EDN1: variants seen among roughly 807,000 people sequenced by gnomAD.
EDN1 encodes endothelin-1.
EDN1 carries 11 observed loss-of-function variants against 21.7 expected under a neutral mutation model. The ratio of observed to expected loss-of-function variants is 0.51; its 90% confidence interval spans 0.32 to 0.84. EDN1 has a LOEUF of 0.84. Ranked by LOEUF, EDN1 falls within the 40% of genes least tolerant of loss-of-function variation. The probability of loss-of-function intolerance (pLI) is 0.03; values close to 1 mark genes in which losing one functional copy is unlikely to be tolerated. For synonymous variants in EDN1, 85 were observed against 90.6 expected, an observed-to-expected ratio of 0.94 and a Z score of 0.35; for missense variants, 244 against 262.3, an observed-to-expected ratio of 0.93 and a Z score of 0.48.
chr6:12,294,555 G>C, intron 4 of EDN1, 151 bp downstream of exon 4: 1 of 864,140 alleles, frequency 1.2e-6, no homozygotes, highest in South Asian at 1.5e-5. Flanking sequence ...GCATCCTATA[G>C]ATTAAAAGGA....
chr6:12,231,807 G>C, the EDN1 span, among the ~76,000 whole-genome samples: 1 of 151,606 alleles, frequency 6.6e-6, no homozygotes, highest in African/African-American at 2.4e-5. Flanking sequence ...TTTATAATAA[G>C]CTTCCATCTC....
the EDN1 span, among the ~76,000 whole-genome samples, chr6:12,264,439 G>T: frequency 6.6e-6 from 1 of 152,122 alleles, no homozygotes; most frequent in East Asian, 1.9e-4. Flanking sequence ...AGATATATAA[G>T]AGAATATTAT....
chr6:12,285,298 G>A, the EDN1 span, among the ~76,000 whole-genome samples: 1 of 152,136 alleles, frequency 6.6e-6, no homozygotes, highest in Non-Finnish European at 1.5e-5. Flanking sequence ...CCAAGGGGAG[G>A]TATCCGTTAA....
intron 1 of EDN1, 26 bp from the exon 2 acceptor site, chr6:12,292,315 C>T (rs1432169102): frequency 1.9e-6 from 3 of 1,612,844 alleles, no homozygotes; most frequent in Non-Finnish European, 1.7e-6. Flanking sequence ...AGACATCCCC[C>T]ACTGACCTGC....
At chr6:12,268,952 C>T in the EDN1 span, among the ~76,000 whole-genome samples, 1 of 152,078 alleles carries the variant, frequency 6.6e-6, no homozygotes, top group Non-Finnish European at 1.5e-5. Context: ...ATTAATTCTT[C>T]CAATCCACGA....
the EDN1 span, among the ~76,000 whole-genome samples, chr6:12,268,485 T>C: frequency 6.6e-6 from 1 of 152,236 alleles, no homozygotes; most frequent in African/African-American, 2.4e-5. Context: ...TTTGAGTTAA[T>C]ATTTGTAATG....
intron 1 of EDN1, 119 bp from the exon 2 acceptor site, chr6:12,292,222 G>T: frequency 1.4e-6 from 2 of 1,392,210 alleles, no homozygotes; most frequent in Admixed American, 3.4e-5. Flanking sequence ...CTTGCTGATG[G>T]CAGGCTGTGT....
the EDN1 span, among the ~76,000 whole-genome samples, chr6:12,273,859 G>A: frequency 6.6e-6 from 1 of 152,070 alleles, no homozygotes; most frequent in African/African-American, 2.4e-5. Context: ...CAATATAGAA[G>A]CACAAATAGA....
chr6:12,232,892 T>A, the EDN1 span, among the ~76,000 whole-genome samples: 1 of 152,178 alleles, frequency 6.6e-6, no homozygotes, highest in Admixed American at 6.5e-5. Context: ...CAAACTTTCT[T>A]TTATTTTTCT....
the EDN1 span, among the ~76,000 whole-genome samples, chr6:12,273,446 T>G: frequency 6.6e-6 from 1 of 152,190 alleles, no homozygotes; most frequent in African/African-American, 2.4e-5. Context: ...ATGAATGTAT[T>G]TGTATATATA....
In EDN1 at chr6:12,291,508, AG is replaced by A. The variant is rs1220452775; in HGVS notation, c.64+818del. ...CCCTGACTAAAGAGAAAGGATGTCA[AG>A]GGAATGAAAATCCTGGAATGTGTCT... is the stretch of plus-strand genomic sequence containing the variant. On this transcript the variant is annotated intron_variant, in intron 1 of 4. Coordinates refer to ENST00000379375, the MANE Select transcript of EDN1 (RefSeq NM_001955.5). 6.6e-5 allele frequency among the ~76,000 whole-genome samples: 10 copies of A among 152,332 alleles called. No individual in the cohort carries two copies. The East Asian group carries it at 1.9e-3, about 29-fold the overall frequency.
At chr6:12,232,321 C>A in the EDN1 span, among the ~76,000 whole-genome samples, 3 of 150,472 alleles carry the variant, frequency 2.0e-5, no homozygotes, top group African/African-American at 7.3e-5. Context: ...CTGATTAGAT[C>A]ACCATATGGG....
the EDN1 span, among the ~76,000 whole-genome samples, chr6:12,249,785 T>A: frequency 6.6e-6 from 1 of 152,078 alleles, no homozygotes; most frequent in African/African-American, 2.4e-5. Context: ...GGGTGTGTTA[T>A]CATTTACTTC....
the EDN1 span, among the ~76,000 whole-genome samples, chr6:12,245,828 T>C: frequency 6.6e-6 from 1 of 151,836 alleles, no homozygotes; most frequent in Non-Finnish European, 1.5e-5. Context: ...AAAGAGGCTG[T>C]GGGTGGGGAG....
chr6:12,291,463 C>CT (rs1005420913), intron 1 of EDN1, among the ~76,000 whole-genome samples: 4 of 152,206 alleles, frequency 2.6e-5, no homozygotes, highest in South Asian at 2.1e-4. Context: ...GGTCAGTGCA[C>CT]TTTTTTTGTC....
At chr6:12,240,346 G>A in the EDN1 span, among the ~76,000 whole-genome samples, 1 of 152,230 alleles carries the variant, frequency 6.6e-6, no homozygotes, top group Admixed American at 6.5e-5. Context: ...GCAGGTGAGA[G>A]TCCAGCTGAC....
chr6:12,274,771 C>T, the EDN1 span, among the ~76,000 whole-genome samples: 8 of 152,286 alleles, frequency 5.3e-5, no homozygotes, highest in East Asian at 1.9e-4. Context: ...GCTAACTGTC[C>T]GAGGACAAAT....
upstream of EDN1, among the ~76,000 whole-genome samples, chr6:12,289,288 C>T (rs999476391): frequency 1.3e-5 from 2 of 152,040 alleles, no homozygotes; most frequent in Admixed American, 1.3e-4. Context: ...ACAAGAACAC[C>T]TTTTTGCCCT....
the EDN1 span, among the ~76,000 whole-genome samples, chr6:12,269,349 G>A: frequency 2.0e-5 from 3 of 151,876 alleles, no homozygotes; most frequent in Non-Finnish European, 2.9e-5. Flanking sequence ...TACTTGCCAG[G>A]ACTTCCATTA....
Sources: gnomAD v4.1 joint callset for allele counts (sites outside exome capture counted in the v4.1 genomes callset) on GRCh38, gnomAD v4.1.1 for gene constraint, MANE v1.5 for transcripts, NCBI Gene and HGNC (gene_info 2026-07-23, HGNC 2026-07-21) for gene names.